RBFOX1: variants seen among roughly 807,000 people sequenced by gnomAD.
RBFOX1 encodes the protein RNA binding fox-1 homolog 1.
Under a neutral mutation model 57.7 loss-of-function variants are expected in RBFOX1, and 8 were observed. The observed-to-expected ratio is 0.14, with a 90% CI of 0.08 to 0.25. RBFOX1 has a LOEUF of 0.25. Ranked by LOEUF, RBFOX1 falls within the 10% of genes least tolerant of loss-of-function variation. RBFOX1 has a pLI of 1.00. For synonymous variants in RBFOX1, 326 were observed against 222.4 expected (o/e 1.47, Z -4.15); for missense variants, 611 against 548.5 (o/e 1.11, Z -1.14).
chr16:7,536,258 C>G (rs932247003), intron 5 of RBFOX1, among the ~76,000 whole-genome samples: 1 of 152,138 alleles, frequency 6.6e-6, no homozygotes, highest in African/African-American at 2.4e-5. Flanking sequence ...TAAATCAAAG[C>G]GGAGATGCAT....
chr16:5,459,504 G>A (rs552871902), intron 1 of RBFOX1, among the ~76,000 whole-genome samples: 17 of 152,046 alleles, frequency 1.1e-4, no homozygotes, highest in Admixed American at 3.9e-4. Context: ...GTGACCAACC[G>A]CCTGACCACT....
At chr16:6,949,338 G>C (rs1598139248) in intron 3 of RBFOX1, among the ~76,000 whole-genome samples, 1 of 152,290 alleles carries the variant, frequency 6.6e-6, no homozygotes, top group East Asian at 1.9e-4. Context: ...CTCACCTTTT[G>C]TTCCTTCCCT....
intron 2 of RBFOX1, among the ~76,000 whole-genome samples, chr16:5,477,432 C>T (rs1337626916): frequency 1.3e-5 from 2 of 152,200 alleles, no homozygotes; most frequent in South Asian, 2.1e-4. Flanking sequence ...AAATGCTCAG[C>T]CCCTCCTGGG....
At chr16:5,836,601 C>T (rs781567042) in intron 3 of RBFOX1, among the ~76,000 whole-genome samples, 11 of 152,190 alleles carry the variant, frequency 7.2e-5, no homozygotes, top group Non-Finnish European at 8.8e-5. Context: ...TCTCCATCTC[C>T]ATTTCCCCAC....
chr16:5,495,525 A>G (rs1479231091), intron 2 of RBFOX1, among the ~76,000 whole-genome samples: 2 of 152,218 alleles, frequency 1.3e-5, no homozygotes, highest in South Asian at 2.1e-4. Flanking sequence ...GAGCCAATCC[A>G]TATCAACTAG....
chr16:6,679,878 G>GTTTTTTTTTTTTTTTTTTTTTTTTT (rs71145274), intron 3 of RBFOX1, among the ~76,000 whole-genome samples: 13 of 114,304 alleles, frequency 1.1e-4, no homozygotes, highest in Middle Eastern at 5.0e-3. Flanking sequence ...GTTTCTACTT[G>GTTTTTTTTTTTTTTTTTTTTTTTTT]TTTTTTTTTT....
At chr16:6,785,929 C>G (rs186114883) in intron 3 of RBFOX1, among the ~76,000 whole-genome samples, 1 of 152,304 alleles carries the variant, frequency 6.6e-6, no homozygotes, top group Admixed American at 6.5e-5. Flanking sequence ...ACTGAGGAAC[C>G]TTGTGTACAT....
intron 2 of RBFOX1, chr16:6,574,011 A>G (rs1161836477): frequency 6.6e-6 from 1 of 152,322 alleles, no homozygotes; most frequent in African/African-American, 2.4e-5. Context: ...TGAGGCAGCC[A>G]GCTTCACTGT....
chr16:5,612,315 A>C (rs2047852876), intron 3 of RBFOX1, among the ~76,000 whole-genome samples: 1 of 150,852 alleles, frequency 6.6e-6, no homozygotes, highest in African/African-American at 2.4e-5. Flanking sequence ...TTTCCCATCT[A>C]CTCATCCACC....
At chr16:5,836,180 G>A (rs2056450784) in intron 3 of RBFOX1, among the ~76,000 whole-genome samples, 1 of 152,180 alleles carries the variant, frequency 6.6e-6, no homozygotes. Flanking sequence ...CACCAAGGGG[G>A]ACATGGGCTC....
At chr16:6,680,593 A>G (rs1370532709) in intron 3 of RBFOX1, among the ~76,000 whole-genome samples, 1 of 152,066 alleles carries the variant, frequency 6.6e-6, no homozygotes, top group East Asian at 1.9e-4. Flanking sequence ...CTCCTAGCAG[A>G]TGATTTGACT....
At position 6,106,466 on chromosome 16, in the gene RBFOX1, C is replaced by CA. The variant is rs139996811; in HGVS notation, c.-127+86479dup. Among the ~76,000 whole-genome samples, 53 of 109,460 alleles carry CA rather than the reference C, an allele frequency of 4.8e-4. 5 individuals are homozygous for CA. The highest frequency in any genetic ancestry group is 1.7e-3 in the African/African-American group (43 of 24,580). 71.8% of individuals were successfully genotyped at this position (109,460 alleles called of 152,430 possible). On this transcript the variant is annotated intron_variant, in intron 1 of 15. Transcript: ENST00000550418. ...GGGCAAAAAGAGTGAGTATCTGTCT[C>CA]AAAAATAAAAAAAAAAAAAGGTAGT...
chr16:6,851,455 C>G (rs764730294), intron 3 of RBFOX1, among the ~76,000 whole-genome samples: 4 of 152,144 alleles, frequency 2.6e-5, no homozygotes, highest in African/African-American at 4.8e-5. Context: ...CTACAGTTAT[C>G]TCAAAAAGTT....
intron 2 of RBFOX1, among the ~76,000 whole-genome samples, chr16:5,501,103 G>T (rs1316261392): frequency 1.3e-5 from 2 of 152,064 alleles, no homozygotes; most frequent in Admixed American, 1.3e-4. Flanking sequence ...GTCACCTGAG[G>T]TCAGGAGTTT....
intron 3 of RBFOX1, among the ~76,000 whole-genome samples, chr16:6,897,238 A>T (rs2067162940): frequency 1.3e-5 from 2 of 152,166 alleles, no homozygotes; most frequent in African/African-American, 4.8e-5. Context: ...AGTAGAAAAT[A>T]TTTGCATTCC....
intron 1 of RBFOX1, among the ~76,000 whole-genome samples, chr16:5,392,823 C>T (rs1209527835): frequency 1.3e-5 from 2 of 152,154 alleles, no homozygotes; most frequent in South Asian, 2.1e-4. Flanking sequence ...GCAGCAGGAG[C>T]ACCTCAGGGA....
intron 1 of RBFOX1, among the ~76,000 whole-genome samples, chr16:6,247,381 C>T (rs949503662): frequency 1.3e-5 from 2 of 152,054 alleles, no homozygotes; most frequent in African/African-American, 2.4e-5. Context: ...TGATTTGGAC[C>T]CTATTACATC....
At chr16:6,767,586 A>G (rs534330179) in intron 3 of RBFOX1, among the ~76,000 whole-genome samples, 3 of 152,162 alleles carry the variant, frequency 2.0e-5, no homozygotes, top group Non-Finnish European at 2.9e-5. Flanking sequence ...TTGTGACAGT[A>G]TAAATCTTTC....
At chr16:6,513,214 T>C (rs1199613816) in intron 2 of RBFOX1, among the ~76,000 whole-genome samples, 1 of 152,130 alleles carries the variant, frequency 6.6e-6, no homozygotes, top group Non-Finnish European at 1.5e-5. Context: ...ATATTGGGGC[T>C]TAGGTAAGAG....
Sources: gnomAD v4.1 joint callset for allele counts (sites outside exome capture counted in the v4.1 genomes callset) on GRCh38, gnomAD v4.1.1 for gene constraint, MANE v1.5 for transcripts, NCBI Gene and HGNC (gene_info 2026-07-23, HGNC 2026-07-21) for gene names.